The following PTPRS variants were observed in gnomAD, a reference collection of about 807,000 sequenced individuals.
PTPRS encodes receptor-type tyrosine-protein phosphatase S.
In PTPRS, 63 loss-of-function variants were observed where a neutral mutation model predicts 215.3. That is an observed-to-expected ratio of 0.29 (90% confidence interval 0.24 to 0.36). The LOEUF (loss-of-function observed/expected upper bound fraction) is 0.36, where lower values mean the gene tolerates loss of function less well. Among genes scored for constraint, PTPRS ranks in the 10% least tolerant of loss-of-function variants. PTPRS has a pLI of 1.00. For synonymous variants in PTPRS, 1,404 were observed against 1,191.4 expected (o/e 1.18, Z -3.68); for missense variants, 2,258 against 2,825.8 (o/e 0.80, Z 4.56).
At chr19:5,213,580 G>A (rs1158737746) in intron 30 of PTPRS, among the ~76,000 whole-genome samples, 3 of 152,304 alleles carry the variant, frequency 2.0e-5, no homozygotes, top group Non-Finnish European at 2.9e-5. Context: ...AGGGCAGAAC[G>A]TTTTGTCTGT....
chr19:5,226,516 A>G (rs1053855309), intron 16 of PTPRS, among the ~76,000 whole-genome samples: 1 of 151,750 alleles, frequency 6.6e-6, no homozygotes, highest in African/African-American at 2.4e-5. Flanking sequence ...GGATCACTTA[A>G]GGTCAGGAGT....
At chr19:5,258,991 T>A (rs1599750064) in intron 7 of PTPRS, among the ~76,000 whole-genome samples, 1 of 152,310 alleles carries the variant, frequency 6.6e-6, no homozygotes, top group East Asian at 1.9e-4. Flanking sequence ...GAAATTATGG[T>A]CCTAGACCCA....
At chr19:5,289,878 G>C (rs1430369885) in intron 1 of PTPRS, among the ~76,000 whole-genome samples, 4 of 152,198 alleles carry the variant, frequency 2.6e-5, no homozygotes, top group Non-Finnish European at 4.4e-5. Flanking sequence ...GGAGCCCTAC[G>C]TGGCCCTGGG....
intron 1 of PTPRS, among the ~76,000 whole-genome samples, chr19:5,290,222 C>A (rs541744264): frequency 6.6e-6 from 1 of 152,142 alleles, no homozygotes; most frequent in African/African-American, 2.4e-5. Context: ...CAGAGGCAGG[C>A]GCTTGACTTT....
intron 25 of PTPRS, among the ~76,000 whole-genome samples, chr19:5,217,334 G>A (rs1432034062): frequency 1.3e-5 from 2 of 152,202 alleles, no homozygotes; most frequent in Non-Finnish European, 2.9e-5. Context: ...GCAGCCGTCA[G>A]TTACATGCAC....
Position 5,244,967 on chromosome 19 carries a change from CT to C in PTPRS, c.989-486del, listed in dbSNP as rs1259886197. 2.0e-5 allele frequency among the ~76,000 whole-genome samples: 3 copies of C among 147,796 alleles called. No homozygotes were observed. The highest frequency in any genetic ancestry group is 2.1e-4 in the South Asian group (1 of 4,674). On this transcript the variant is annotated intron_variant, in intron 10 of 37. Coordinates refer to ENST00000262963, the MANE Select transcript of PTPRS (RefSeq NM_002850.4). This position sits in a 1 kb window ranked among gnomAD's most constrained non-coding sequence, Gnocchi z 7.2. Reference sequence around the variant, plus strand: ...ACAGGTGTGAGCCACCGCACCCGGCCTTTTTTTTCTTTTTTCTTTTTTTTTT... The same window carrying C: ...ACAGGTGTGAGCCACCGCACCCGGCCTTTTTTTCTTTTTTCTTTTTTTTTT...
rs1325856954 is a variant in PTPRS at position 5,340,693 on chromosome 19, G to C, written c.-124C>G. The C allele has an allele frequency of 6.7e-6, 1 of 149,890 alleles. No individual in the cohort carries two copies. Among genetic ancestry groups the C allele is most frequent in the Non-Finnish European group, 1.5e-5 (1 of 67,544 alleles). The allele number at this position is 149,890 out of a possible 1,614,324, so 9.3% of individuals were successfully genotyped here. ...AGGCTGGCTGGGCTGGGCTCCCCCG[G>C]CTCTGCCCCGCTTCACATCGTGGCT... On this transcript the variant is annotated 5_prime_UTR_variant, in exon 1 of 38. Transcript: ENST00000262963.
At chr19:5,315,360 T>C (rs1432638915) in intron 1 of PTPRS, among the ~76,000 whole-genome samples, 1,860 of 90,488 alleles carry the variant, frequency 0.021, 178 homozygotes, top group South Asian at 0.12. Flanking sequence ...GGTTTTTTTT[T>C]TTTTTTTTTT....
chr19:5,235,131 G>A (rs748439874), intron 13 of PTPRS, among the ~76,000 whole-genome samples: 4 of 151,872 alleles, frequency 2.6e-5, no homozygotes, highest in East Asian at 1.9e-4. Context: ...TAGGGGAGAC[G>A]GATTTTCACC....
chr19:5,320,562 C>A (rs2049999881), intron 1 of PTPRS, among the ~76,000 whole-genome samples: 1 of 152,158 alleles, frequency 6.6e-6, no homozygotes, highest in African/African-American at 2.4e-5. Context: ...GCTGGGATTA[C>A]AGGTGCACGC....
At chr19:5,331,020 C>T (rs917690786) in intron 1 of PTPRS, among the ~76,000 whole-genome samples, 4 of 151,868 alleles carry the variant, frequency 2.6e-5, no homozygotes, top group Admixed American at 1.3e-4. Context: ...GTTCTGGCCC[C>T]GCGAGACGTC....
At chr19:5,322,062 T>C (rs1333370241) in intron 1 of PTPRS, among the ~76,000 whole-genome samples, 1 of 152,196 alleles carries the variant, frequency 6.6e-6, no homozygotes, top group Non-Finnish European at 1.5e-5. Context: ...TTTCAACAGT[T>C]GCCAGAGGTC....
At position 5,298,041 on chromosome 19, in the gene PTPRS, G is replaced by A. The variant is rs576361646; in HGVS notation, c.-94-11807C>T. Among the ~76,000 whole-genome samples, 219 of 152,096 alleles carry A rather than the reference G, an allele frequency of 1.4e-3. 1 individual carries two copies. The highest frequency in any genetic ancestry group is 2.6e-3 in the Non-Finnish European group (179 of 67,960). ...AAACTCCTGACCTCATGATCCGCCC[G>A]CCTCGGCCTCCCAAAGTGTTGGGAT... On this transcript the variant is annotated intron_variant, in intron 1 of 37. Transcript: ENST00000262963.
intron 1 of PTPRS, among the ~76,000 whole-genome samples, chr19:5,309,352 T>A (rs574985079): frequency 6.6e-6 from 1 of 152,240 alleles, no homozygotes; most frequent in East Asian, 1.9e-4. Context: ...CCACAGCCCC[T>A]CCCAGGGCCC....
At chr19:5,302,079 G>A (rs2049319617) in intron 1 of PTPRS, among the ~76,000 whole-genome samples, 1 of 151,956 alleles carries the variant, frequency 6.6e-6, no homozygotes, top group Admixed American at 6.6e-5. Flanking sequence ...ACCACACTTG[G>A]CCCCCCGATT....
At chr19:5,263,079 G>C (rs1026176804) in intron 5 of PTPRS, 107 bp from the exon 6 acceptor site, 2 of 628,270 alleles carry the variant, frequency 3.2e-6, no homozygotes, top group Non-Finnish European at 5.7e-6. Flanking sequence ...GGAGGGGAGG[G>C]GGACGCTCAG....
rs770889503 is a variant in PTPRS at position 5,214,580 on chromosome 19, C to A, written c.4475G>T (p.Arg1492Leu). Residue 1492 changes from arginine to leucine, a missense_variant, in exon 29 of 38, where the codon CGG becomes CTG. Physicochemically the swap from Arg to Leu is moderately radical, Grantham distance 102. Transcript: ENST00000262963. ...QRSATIVMMTRLEEKSRIKCD... is the reference protein window; with the variant it reads ...QRSATIVMMTLLEEKSRIKCD... ...GCTCACCCGTGACTTCTCCTCCAGC[C>A]GCGTCATCATGACGATGGTCGCCGA... is the stretch of plus-strand genomic sequence containing the variant. 4.3e-6 allele frequency: 7 copies of A among 1,611,586 alleles called. No individual in the cohort carries two copies. Among genetic ancestry groups the A allele is most frequent in the Middle Eastern group, 1.7e-4 (1 of 6,058 alleles).
At chr19:5,304,396 C>T (rs1401242292) in intron 1 of PTPRS, among the ~76,000 whole-genome samples, 2 of 152,062 alleles carry the variant, frequency 1.3e-5, no homozygotes, top group Non-Finnish European at 2.9e-5. Flanking sequence ...AGGAGGATCG[C>T]TTGAATCCAG....
At chr19:5,211,453 A>G in intron 33 of PTPRS, 137 bp downstream of exon 33, 3 of 814,372 alleles carry the variant, frequency 3.7e-6, no homozygotes, top group South Asian at 2.2e-5. Flanking sequence ...AGTTAAATAT[A>G]CATCTAAAGA....
Sources: allele counts gnomAD v4.1 joint callset (sites outside exome capture counted in the v4.1 genomes callset), GRCh38; gene constraint gnomAD v4.1.1; non-coding constraint Gnocchi (gnomAD v3.1); transcripts MANE v1.5; gene names NCBI Gene and HGNC (gene_info 2026-07-23, HGNC 2026-07-21).